HEXB: variants seen among roughly 807,000 people sequenced by gnomAD.
The protein encoded by HEXB is beta-hexosaminidase subunit beta.
Under a neutral mutation model 71.2 loss-of-function variants are expected in HEXB, and 51 were observed. That is an observed-to-expected ratio of 0.72 (90% CI 0.57 to 0.90). HEXB has a LOEUF of 0.90. Among genes scored for constraint, HEXB ranks in the 40% least tolerant of loss-of-function variants. HEXB has a pLI of 0.00. For missense variants in HEXB, 617 were observed against 677.0 expected, an observed-to-expected ratio of 0.91 and a Z score of 0.98; for synonymous variants, 266 against 249.3, an observed-to-expected ratio of 1.07 and a Z score of -0.63.
intron 1 of HEXB, among the ~76,000 whole-genome samples, chr5:74,646,761 G>A (rs528614621): frequency 2.6e-5 from 4 of 151,956 alleles, no homozygotes; most frequent in Admixed American, 2.0e-4. Flanking sequence ...TAGAGATGAG[G>A]TTTCACCATC....
At chr5:74,654,793 G>C (rs1338705892) in intron 1 of HEXB, among the ~76,000 whole-genome samples, 2 of 152,344 alleles carry the variant, frequency 1.3e-5, no homozygotes, top group Middle Eastern at 3.4e-3. Flanking sequence ...GTGCGCTAGA[G>C]GGGAGCTAGG....
At chr5:74,682,743 A>G (rs1273925241), upstream of HEXB, among the ~76,000 whole-genome samples, 1 of 152,216 alleles carries the variant, frequency 6.6e-6, no homozygotes, top group Non-Finnish European at 1.5e-5. Flanking sequence ...AATTATAAGA[A>G]TAGGGGAGAA....
intron 1 of HEXB, among the ~76,000 whole-genome samples, chr5:74,645,842 G>T (rs1487229043): frequency 6.6e-6 from 1 of 152,180 alleles, no homozygotes; most frequent in African/African-American, 2.4e-5. Context: ...ACAATGTATG[G>T]TAGAAATATA....
At chr5:74,653,835 C>T (rs766339409) in intron 1 of HEXB, among the ~76,000 whole-genome samples, 14 of 152,180 alleles carry the variant, frequency 9.2e-5, no homozygotes, top group Admixed American at 2.0e-4. Context: ...ATTTATTGAA[C>T]GCCTACTATG....
At chr5:74,644,667 G>T (rs915894530) in intron 1 of HEXB, among the ~76,000 whole-genome samples, 7 of 150,188 alleles carry the variant, frequency 4.7e-5, no homozygotes, top group Non-Finnish European at 8.9e-5. Context: ...TCTAAATTTT[G>T]GTTTGCCATC....
intron 5 of HEXB, among the ~76,000 whole-genome samples, chr5:74,698,239 A>G (rs143556449): frequency 0.11 from 16,342 of 151,186 alleles, 2,227 homozygotes; most frequent in African/African-American, 0.31. Context: ...CACCACGCCC[A>G]GCTAATTTTG....
At chr5:74,720,326 A>G (rs560964510) in intron 11 of HEXB, 102 bp from the exon 12 acceptor site, 39 of 906,006 alleles carry the variant, frequency 4.3e-5, no homozygotes, top group Admixed American at 2.6e-4. Flanking sequence ...CGGGCAAGAA[A>G]TGTTGCCCTA....
chr5:74,660,383 G>A (rs1242216528), intron 1 of HEXB, among the ~76,000 whole-genome samples: 2 of 152,222 alleles, frequency 1.3e-5, no homozygotes, highest in Non-Finnish European at 2.9e-5. Context: ...CTGCTAGGAG[G>A]TATCTGGGAA....
chr5:74,656,811 C>A (rs1459095726), intron 1 of HEXB, among the ~76,000 whole-genome samples: 4 of 152,140 alleles, frequency 2.6e-5, no homozygotes, highest in African/African-American at 7.2e-5. Context: ...GGGGTTTCAC[C>A]ATGTTGCCCA....
chr5:74,713,702 C>G, intron 7 of HEXB, 67 bp downstream of exon 7: 1 of 1,366,154 alleles, frequency 7.3e-7, no homozygotes, highest in Non-Finnish European at 1.0e-6. Flanking sequence ...CTTGTTCTGT[C>G]ACCCAGGCTG....
At position 74,652,666 on chromosome 5, in the gene HEXB, C is replaced by T. The variant is rs894068240; in HGVS notation, c.-377+12108C>T. Reference sequence around the variant, plus strand: ...ATTCCCTCCCTTACCCCCACTACCCCCAGGATTGTGTCCAAGTTCCAAAGT... The same window carrying T: ...ATTCCCTCCCTTACCCCCACTACCCTCAGGATTGTGTCCAAGTTCCAAAGT... On this transcript the variant is annotated intron_variant, in intron 1 of 13. Transcript: ENST00000511181. The surrounding 1 kb of genome is among the most constrained non-coding windows in gnomAD (Gnocchi z 5.4). Among the ~76,000 whole-genome samples, 1 of 152,114 alleles carries T rather than the reference C, an allele frequency of 6.6e-6. No homozygotes were observed.
intron 13 of HEXB, 181 bp from the exon 14 acceptor site, chr5:74,720,934 ATGT>A: frequency 1.3e-6 from 1 of 758,762 alleles, no homozygotes. Context: ...GATACAAAAA[ATGT>A]TGGTGTAACT....
chr5:74,713,050 A>G (rs1468159167), intron 6 of HEXB, among the ~76,000 whole-genome samples: 1 of 152,232 alleles, frequency 6.6e-6, no homozygotes, highest in African/African-American at 2.4e-5. Context: ...TGACTCTAAA[A>G]TTGACAAGAG....
chr5:74,721,243 T>C lies in HEXB; in HGVS notation c.*68T>C. The C allele has an allele frequency of 1.6e-6, 2 of 1,231,446 alleles. No individual in the cohort carries two copies. The highest frequency in any genetic ancestry group is 2.4e-6 in the Non-Finnish European group (2 of 833,562). 76.3% of individuals were successfully genotyped at this position (1,231,446 alleles called of 1,614,324 possible). A position where few individuals can be genotyped will look rare whatever the true frequency, so the allele number is the denominator to read the frequency against. ...AACTTTATTTTGAAATCATGTAAAATAAGATATTAGACTGTTTTTTGAATA... is the reference window on the plus strand; with the variant it reads ...AACTTTATTTTGAAATCATGTAAAACAAGATATTAGACTGTTTTTTGAATA... On this transcript the variant is annotated 3_prime_UTR_variant, in exon 14 of 14. Coordinates refer to ENST00000261416, the MANE Select transcript of HEXB (RefSeq NM_000521.4).
At chr5:74,661,230 C>T (rs981461778) in intron 1 of HEXB, among the ~76,000 whole-genome samples, 2 of 152,168 alleles carry the variant, frequency 1.3e-5, no homozygotes, top group African/African-American at 4.8e-5. Context: ...CTTCCAGAAG[C>T]TGAACATAAA....
intron 3 of HEXB, 64 bp from the exon 4 acceptor site, chr5:74,696,624 AATAAT>A (rs1749118291): frequency 3.6e-6 from 3 of 844,658 alleles, no homozygotes; most frequent in African/African-American, 1.7e-5. Flanking sequence ...AGTCTGTTTG[AATAAT>A]ATAACTTTTA....
intron 5 of HEXB, among the ~76,000 whole-genome samples, chr5:74,704,385 A>G (rs1580388385): frequency 6.6e-6 from 1 of 152,112 alleles, no homozygotes; most frequent in East Asian, 1.9e-4. Flanking sequence ...TCATCTTTTA[A>G]AAATAGTGTT....
intron 5 of HEXB, among the ~76,000 whole-genome samples, chr5:74,703,616 A>T (rs1665885): frequency 0.86 from 131,016 of 151,776 alleles, 56,838 homozygotes; most frequent in Non-Finnish European, 0.9. Context: ...TATATCTGCT[A>T]ATATCAGGAG....
intron 1 of HEXB, among the ~76,000 whole-genome samples, chr5:74,650,925 C>CAAAA (rs34224491): frequency 1.0e-3 from 100 of 95,474 alleles, no homozygotes; most frequent in African/African-American, 3.6e-3. Context: ...GACTCTGTCT[C>CAAAA]AAAAAAAAAA....
Sources: gnomAD v4.1 joint callset for allele counts (sites outside exome capture counted in the v4.1 genomes callset) on GRCh38, gnomAD v4.1.1 for gene constraint, Gnocchi (gnomAD v3.1) non-coding constraint, MANE v1.5 for transcripts, NCBI Gene and HGNC (gene_info 2026-07-23, HGNC 2026-07-21) for gene names.